The following DENND4C variants were observed in gnomAD, a reference collection of about 807,000 sequenced individuals.
The protein encoded by DENND4C is DENN domain containing 4C, also known as DENN domain-containing protein 4C.
In DENND4C, 108 loss-of-function variants were observed where a neutral mutation model predicts 203.0. That is an observed-to-expected ratio of 0.53 (90% CI 0.46 to 0.62). The LOEUF is 0.62. DENND4C is among the 20% of genes least tolerant of loss of function. The probability of loss-of-function intolerance (pLI) is 0.00; values close to 1 mark genes in which losing one functional copy is unlikely to be tolerated. For synonymous variants in DENND4C, 871 were observed against 792.4 expected (o/e 1.10, Z -1.67); for missense variants, 2,481 against 2,301.2 (o/e 1.08, Z -1.60).
chr9:19,351,734 G>C (rs1478118100), intron 24 of DENND4C, among the ~76,000 whole-genome samples: 2 of 151,782 alleles, frequency 1.3e-5, no homozygotes, highest in Admixed American at 6.6e-5. Flanking sequence ...TTGAACCTGG[G>C]AGGCAGAGGT....
rs1410305262 is a variant in DENND4C, at chr9:19,299,295, C to T, written c.1166+8C>T. On this transcript the variant is annotated splice_region_variant and intron_variant, in intron 8 of 32. Transcript: ENST00000434457. ...TACACCTTTACCACTAAGGTAATTA[C>T]TGGTATTTAAAATGATATATTTATT... The T allele has an allele frequency of 1.3e-6, 2 of 1,542,480 alleles. No homozygotes were observed. The highest frequency in any genetic ancestry group is 2.8e-5 in the African/African-American group (2 of 71,406).
chr9:19,366,033 T>C (rs56272052), intron 30 of DENND4C, among the ~76,000 whole-genome samples: 8,916 of 152,246 alleles, frequency 0.059, 845 homozygotes, highest in African/African-American at 0.2. Flanking sequence ...CCTATCAGAA[T>C]TTCAGGTAGC....
chr9:19,369,930 T>C lies in DENND4C; in HGVS notation c.5618T>C (p.Val1873Ala). ...AGGCAGAGTATTCAGCACAATAATG[T>C]TCTTAAACCCATCAACCTACTTTCA... Reference protein sequence around the residue: ...TIRQSIQHNNVLKPINLLSQQ... With the variant: ...TIRQSIQHNNALKPINLLSQQ... Residue 1873 changes from valine to alanine, a missense_variant, in exon 31 of 33, where the codon GTT becomes GCT. Val to Ala is a moderately conservative substitution (Grantham distance 64). Coordinates refer to ENST00000434457, the MANE Select transcript of DENND4C (RefSeq NM_001330640.2). 1 of 1,613,960 alleles carries C rather than the reference T, an allele frequency of 6.2e-7. No homozygotes were observed. Among genetic ancestry groups the C allele is most frequent in the Non-Finnish European group, 8.5e-7 (1 of 1,179,962 alleles).
chr9:19,310,332 T>C (rs1311020053), intron 10 of DENND4C, among the ~76,000 whole-genome samples: 1 of 152,246 alleles, frequency 6.6e-6, no homozygotes, highest in East Asian at 1.9e-4. Context: ...TCAAAGGGGA[T>C]ACTTTGAGCA....
intron 15 of DENND4C, among the ~76,000 whole-genome samples, chr9:19,326,673 C>G (rs1055412747): frequency 6.6e-6 from 1 of 151,948 alleles, no homozygotes; most frequent in African/African-American, 2.4e-5. Context: ...CTTAGAAAAT[C>G]AAACCAAAAT....
At chr9:19,371,973 T>G (rs1404706256) in intron 32 of DENND4C, 64 bp from the exon 33 acceptor site, 2 of 1,533,654 alleles carry the variant, frequency 1.3e-6, no homozygotes, top group African/African-American at 2.8e-5. Context: ...CAATACCAAT[T>G]TGAAATGAAC....
At chr9:19,264,820 C>G (rs553820673) in intron 1 of DENND4C, among the ~76,000 whole-genome samples, 1 of 150,766 alleles carries the variant, frequency 6.6e-6, no homozygotes, top group South Asian at 2.1e-4. Flanking sequence ...TCTTTTTCTT[C>G]TACTAATTTT....
Position 19,346,577 on chromosome 9 carries a change from G to C in DENND4C, c.3808G>C (p.Asp1270His). ...AGGAGGAAAAACTCCTGATTCTGAA[G>C]ATAAGTTGTTTTCTCCAGTTATTGC... ...CTGGKTPDSEDKLFSPVIARN... is the reference protein window; with the variant it reads ...CTGGKTPDSEHKLFSPVIARN... The change falls in exon 23 of 33, where the codon GAT (aspartate) becomes CAT (histidine). Residue 1270 changes from aspartate to histidine, a missense_variant. Physicochemically the swap from Asp to His is moderately conservative, Grantham distance 81 (BLOSUM62 -1). This residue lies in a region of DENND4C where 2,289 missense variants were observed against 2,113.3 expected (regional missense o/e 1.08). Transcript: ENST00000434457. The C allele has an allele frequency of 4.3e-6, 7 of 1,614,162 alleles. No individual in the cohort carries two copies. Among genetic ancestry groups the C allele is most frequent in the Non-Finnish European group, 5.9e-6 (7 of 1,180,026 alleles).
intron 1 of DENND4C, among the ~76,000 whole-genome samples, chr9:19,262,457 T>G (rs1464606422): frequency 6.7e-6 from 1 of 150,170 alleles, no homozygotes; most frequent in African/African-American, 2.5e-5. Flanking sequence ...TCTTTTTTTT[T>G]TTTTGAGACA....
At chr9:19,345,856 A>T in intron 22 of DENND4C, 65 bp from the exon 23 acceptor site, 1 of 1,364,396 alleles carries the variant, frequency 7.3e-7, no homozygotes, top group African/African-American at 1.5e-5. Context: ...GGAAAACAAT[A>T]AATATTTTAA....
At chr9:19,250,465 G>C (rs1386677193) in intron 1 of DENND4C, among the ~76,000 whole-genome samples, 2 of 151,934 alleles carry the variant, frequency 1.3e-5, no homozygotes, top group Admixed American at 1.3e-4. Flanking sequence ...AATCTCAAGT[G>C]ATCTGCCCCC....
At chr9:19,274,828 G>C (rs549198152) in intron 1 of DENND4C, among the ~76,000 whole-genome samples, 11 of 152,278 alleles carry the variant, frequency 7.2e-5, no homozygotes, top group Non-Finnish European at 1.0e-4. Context: ...CTTGGATCTT[G>C]ACTGATGATG....
chr9:19,321,748 C>G (rs1003132304), intron 12 of DENND4C, among the ~76,000 whole-genome samples: 1 of 150,612 alleles, frequency 6.6e-6, no homozygotes, highest in African/African-American at 2.4e-5. Flanking sequence ...AGGAGAATCA[C>G]TCGAACCTGG....
intron 29 of DENND4C, among the ~76,000 whole-genome samples, chr9:19,361,173 A>G (rs149456877): frequency 2.0e-5 from 3 of 152,192 alleles, no homozygotes; most frequent in East Asian, 3.9e-4. Context: ...GGTAGCTATT[A>G]TTCTTAACTG....
Position 19,350,744 on chromosome 9 carries a change from G to C in DENND4C, c.4360G>C (p.Asp1454His). The change falls in exon 24 of 33, where the codon GAC (aspartate) becomes CAC (histidine). Residue 1454 changes from aspartate (D) to histidine (H), a missense_variant. By Grantham distance (81) the Asp-to-His change is moderately conservative. Coordinates refer to ENST00000434457, the MANE Select transcript of DENND4C (RefSeq NM_001330640.2). Reference protein sequence around the residue: ...RDYSFPAGLEDHILGENISPN... With the variant: ...RDYSFPAGLEHHILGENISPN... ...CTACAGCTTCCCAGCTGGCCTAGAA[G>C]ACCATATTTTGGGGGAGAATATATC... 1 of 1,613,796 alleles carries C rather than the reference G, an allele frequency of 6.2e-7. No homozygotes were observed. The highest frequency in any genetic ancestry group is 1.1e-5 in the South Asian group (1 of 91,046).
Position 19,373,908 on chromosome 9 carries a change from C to T in DENND4C, c.*1735C>T, listed in dbSNP as rs1489485146. ...GGGTTAATCTGACCTATGCAGAATTCTAGTGTGAATTTATTGTGAAAATGC... is the reference window on the plus strand; with the variant it reads ...GGGTTAATCTGACCTATGCAGAATTTTAGTGTGAATTTATTGTGAAAATGC... On this transcript the variant is annotated 3_prime_UTR_variant, in exon 33 of 33. Transcript: ENST00000434457. Among the ~76,000 whole-genome samples the T allele has an allele frequency of 1.3e-5, 2 of 152,052 alleles. No homozygotes were observed. The highest frequency in any genetic ancestry group is 2.4e-5 in the African/African-American group (1 of 41,396).
intron 1 of DENND4C, among the ~76,000 whole-genome samples, chr9:19,248,876 C>T (rs968342102): frequency 6.6e-6 from 1 of 151,830 alleles, no homozygotes; most frequent in Non-Finnish European, 1.5e-5. Flanking sequence ...CAGCTCACTG[C>T]AGCCTCCGCC....
intron 1 of DENND4C, 40 bp from the exon 2 acceptor site, chr9:19,276,118 G>C (rs1025547244): frequency 9.5e-7 from 1 of 1,057,914 alleles, no homozygotes; most frequent in Non-Finnish European, 1.2e-6. Context: ...TCAGGATAAA[G>C]TATTTTATTT....
At chr9:19,283,843 C>T (rs1327748381) in intron 2 of DENND4C, among the ~76,000 whole-genome samples, 2 of 152,048 alleles carry the variant, frequency 1.3e-5, no homozygotes, top group African/African-American at 4.8e-5. Context: ...GATCCGCCCA[C>T]TTCTGTCTCC....
Sources: allele counts gnomAD v4.1 joint callset (sites outside exome capture counted in the v4.1 genomes callset), GRCh38; gene constraint gnomAD v4.1.1; regional missense constraint gnomAD v4.1.1; transcripts MANE v1.5; gene names NCBI Gene and HGNC (gene_info 2026-07-23, HGNC 2026-07-21).